TIMM23: variants seen among roughly 807,000 people sequenced by gnomAD.
TIMM23 encodes mitochondrial import inner membrane translocase subunit Tim23.
A neutral mutation model predicts 30.7 loss-of-function variants in TIMM23; 19 were observed. That is an observed-to-expected ratio of 0.62 (90% confidence interval 0.43 to 0.91). The LOEUF (loss-of-function observed/expected upper bound fraction) is 0.91. TIMM23 is among the 40% of genes least tolerant of loss of function. The pLI is 0.00. For synonymous variants in TIMM23, 78 were observed against 98.5 expected, an observed-to-expected ratio of 0.79 and a Z score of 1.23; for missense variants, 202 against 269.2, an observed-to-expected ratio of 0.75 and a Z score of 1.75.
At chr10:45,981,219 G>C (rs1284057621) in intron 2 of TIMM23, among the ~76,000 whole-genome samples, 1 of 137,358 alleles carries the variant, frequency 7.3e-6, no homozygotes, top group African/African-American at 2.8e-5. Flanking sequence ...GATTACAGGC[G>C]GGAGGCACCG....
intron 1 of TIMM23, among the ~76,000 whole-genome samples, chr10:45,974,302 T>C (rs1219020076): frequency 6.6e-6 from 1 of 152,136 alleles, no homozygotes; most frequent in East Asian, 1.9e-4. Context: ...GTCTTGAGAT[T>C]GTGATGGAAG....
At chr10:45,973,211 T>G (rs1554912251) in intron 1 of TIMM23, among the ~76,000 whole-genome samples, 1 of 152,154 alleles carries the variant, frequency 6.6e-6, no homozygotes, top group African/African-American at 2.4e-5. Context: ...TAGGAAACCT[T>G]CTTTAGGAGC....
At chr10:45,982,962 T>C in intron 4 of TIMM23, 32 bp downstream of exon 4, 1 of 1,613,618 alleles carries the variant, frequency 6.2e-7, no homozygotes, top group Non-Finnish European at 8.5e-7. Context: ...GATGTAGTGA[T>C]ACTTGAATAT....
chr10:45,993,365 G>C (rs1838229203), intron 6 of TIMM23, among the ~76,000 whole-genome samples: 1 of 150,028 alleles, frequency 6.7e-6, no homozygotes, highest in Non-Finnish European at 1.5e-5. Context: ...CGATTCTCCT[G>C]CCTCATCCTC....
At chr10:46,001,665 C>T (rs1048784105) in intron 6 of TIMM23, among the ~76,000 whole-genome samples, 1 of 152,138 alleles carries the variant, frequency 6.6e-6, no homozygotes, top group Non-Finnish European at 1.5e-5. Context: ...ACCTCTGTCT[C>T]CCTAACACAT....
chr10:45,993,557 G>C (rs1291111580), intron 6 of TIMM23, among the ~76,000 whole-genome samples: 1 of 152,078 alleles, frequency 6.6e-6, no homozygotes, highest in Non-Finnish European at 1.5e-5. Flanking sequence ...GTCTCAGAAT[G>C]AAATGATGTG....
intron 6 of TIMM23, chr10:45,990,744 AT>A (rs1838142709): frequency 7.4e-6 from 3 of 406,498 alleles, no homozygotes; most frequent in Non-Finnish European, 1.4e-5. Context: ...ATTATTTTTT[AT>A]TTTCATGTTT....
chr10:45,999,445 G>A (rs886445826), intron 6 of TIMM23, among the ~76,000 whole-genome samples: 1 of 152,116 alleles, frequency 6.6e-6, no homozygotes, highest in Non-Finnish European at 1.5e-5. Flanking sequence ...TTTTAAAGCT[G>A]GGCATCCGGG....
In TIMM23 at chr10:45,974,470, C is replaced by G. The variant is rs1173118794; in HGVS notation, c.107-984C>G. On this transcript the variant is annotated intron_variant, in intron 1 of 6. Transcript: ENST00000580018. ...AAACAAATTTGGCAGGTTTAAGGAACAGCTCTTAGGCCAGTCTGTCTTCGT... is the reference window on the plus strand; with the variant it reads ...AAACAAATTTGGCAGGTTTAAGGAAGAGCTCTTAGGCCAGTCTGTCTTCGT... Among the ~76,000 whole-genome samples the G allele has an allele frequency of 5.9e-5, 9 of 152,288 alleles. No individual in the cohort carries two copies. The South Asian group carries it at 1.9e-3, about 32-fold the overall frequency.
chr10:45,995,993 A>C (rs1838316311), intron 6 of TIMM23, among the ~76,000 whole-genome samples: 1 of 149,958 alleles, frequency 6.7e-6, no homozygotes, highest in Non-Finnish European at 1.5e-5. Flanking sequence ...GATGCATAAT[A>C]AACCAACCTA....
chr10:45,977,956 G>A lies in TIMM23; in HGVS notation c.165+2444G>A, dbSNP rs1837723974. 2.0e-5 allele frequency among the ~76,000 whole-genome samples: 3 copies of A among 151,930 alleles called. No individual in the cohort carries two copies. The South Asian group carries it at 6.2e-4, about 32-fold the overall frequency. On this transcript the variant is annotated intron_variant, in intron 2 of 6. Coordinates refer to ENST00000580018, the MANE Select transcript of TIMM23 (RefSeq NM_006327.4). ...TGAGGCAGGAGAATCACTTGAACCT[G>A]GGAGGCAGAGGTTGCGGTGAGCCAA...
chr10:45,991,610 G>A (rs1838164761), intron 6 of TIMM23, among the ~76,000 whole-genome samples: 1 of 152,094 alleles, frequency 6.6e-6, no homozygotes, highest in Non-Finnish European at 1.5e-5. Context: ...AATTAGCCAG[G>A]TGTGGTGGCG....
chr10:45,993,039 C>T (rs1322736096), intron 6 of TIMM23, among the ~76,000 whole-genome samples: 2 of 152,148 alleles, frequency 1.3e-5, no homozygotes, highest in Non-Finnish European at 2.9e-5. Context: ...CATCATCTGT[C>T]CATCTTTGTT....
chr10:45,983,034 A>T (rs1427955590), intron 4 of TIMM23, 104 bp downstream of exon 4: 1 of 1,487,500 alleles, frequency 6.7e-7, no homozygotes, highest in Non-Finnish European at 9.2e-7. Flanking sequence ...TAGCATAGTT[A>T]TGTGCTTTTT....
intron 2 of TIMM23, among the ~76,000 whole-genome samples, chr10:45,979,327 A>G (rs1377804609): frequency 6.6e-6 from 1 of 152,170 alleles, no homozygotes; most frequent in East Asian, 1.9e-4. Context: ...TTTCTAAGAG[A>G]CAAAGTCTCC....
At chr10:45,997,205 C>G (rs1416591089) in intron 6 of TIMM23, among the ~76,000 whole-genome samples, 1 of 151,842 alleles carries the variant, frequency 6.6e-6, no homozygotes, top group Admixed American at 6.6e-5. Context: ...CTAGGTGACC[C>G]TGTCTCCAAA....
At chr10:45,975,120 A>G (rs1554912729) in intron 1 of TIMM23, among the ~76,000 whole-genome samples, 1 of 152,220 alleles carries the variant, frequency 6.6e-6, no homozygotes, top group Non-Finnish European at 1.5e-5. Flanking sequence ...TTACATAGTC[A>G]CCAAGCATTC....
At chr10:45,975,793 TTTTG>T (rs1209463744) in intron 2 of TIMM23, among the ~76,000 whole-genome samples, 46 of 152,072 alleles carry the variant, frequency 3.0e-4, no homozygotes, top group African/African-American at 8.2e-4. Context: ...GTGTGGGGTT[TTTTG>T]TTTGTTTGTT....
intron 6 of TIMM23, among the ~76,000 whole-genome samples, chr10:46,002,762 G>A (rs1348670496): frequency 6.7e-6 from 1 of 149,684 alleles, no homozygotes; most frequent in East Asian, 2.0e-4. Context: ...TCTCCTTTTT[G>A]AGATGGAATA....
Sources: gnomAD v4.1 joint callset for allele counts (sites outside exome capture counted in the v4.1 genomes callset) on GRCh38, gnomAD v4.1.1 for gene constraint, MANE v1.5 for transcripts, NCBI Gene and HGNC (gene_info 2026-07-23, HGNC 2026-07-21) for gene names.